Variants in ROR1 observed in about 807,000 individuals in gnomAD.
The protein encoded by ROR1 is inactive tyrosine-protein kinase transmembrane receptor ROR1.
Under a neutral mutation model 78.8 loss-of-function variants are expected in ROR1, and 19 were observed. The observed-to-expected ratio is 0.24, with a 90% CI of 0.17 to 0.35. ROR1 has a LOEUF of 0.35. Among genes scored for constraint, ROR1 ranks in the 10% least tolerant of loss-of-function variants. ROR1 has a pLI of 1.00. For synonymous variants in ROR1, 386 were observed against 433.6 expected (o/e 0.89, Z 1.36); for missense variants, 917 against 1,177.8 (o/e 0.78, Z 3.24).
At chr1:64,017,826 C>T (rs150638943) in intron 2 of ROR1, among the ~76,000 whole-genome samples, 6 of 152,260 alleles carry the variant, frequency 3.9e-5, no homozygotes, top group Non-Finnish European at 7.4e-5. Flanking sequence ...TGTTTGTGCT[C>T]CTGTTTTTAC....
chr1:63,966,288 T>C (rs949249788), intron 1 of ROR1, among the ~76,000 whole-genome samples: 5 of 152,102 alleles, frequency 3.3e-5, no homozygotes, highest in Admixed American at 2.6e-4. Flanking sequence ...CTTCCTGGAG[T>C]GTTGGCTGTG....
Position 63,822,533 on chromosome 1 carries a change from T to C in ROR1, c.91+48025T>C, listed in dbSNP as rs74573970. On this transcript the variant is annotated intron_variant, in intron 1 of 8. Transcript: ENST00000371079. ...AGAAAAATAATTGAGACAATAATTATTTTAATTTAAGCTTATATCATTAGA... is the reference window on the plus strand; with the variant it reads ...AGAAAAATAATTGAGACAATAATTACTTTAATTTAAGCTTATATCATTAGA... Among the ~76,000 whole-genome samples the C allele has an allele frequency of 3.0e-4, 45 of 152,320 alleles. No individual in the cohort carries two copies. The East Asian group carries it at 7.9e-3, about 27-fold the overall frequency.
intron 1 of ROR1, among the ~76,000 whole-genome samples, chr1:63,793,941 A>G (rs1005764395): frequency 3.9e-5 from 6 of 152,324 alleles, no homozygotes; most frequent in African/African-American, 1.4e-4. Context: ...CAGAGACCCC[A>G]GGGAAAGACT....
At chr1:63,970,454 C>T (rs1319248358) in intron 1 of ROR1, among the ~76,000 whole-genome samples, 1 of 152,174 alleles carries the variant, frequency 6.6e-6, no homozygotes, top group African/African-American at 2.4e-5. Flanking sequence ...TAATAACACA[C>T]CAATTGTTTT....
chr1:64,054,584 C>T (rs572529198), intron 4 of ROR1, among the ~76,000 whole-genome samples: 10 of 152,194 alleles, frequency 6.6e-5, no homozygotes, highest in Non-Finnish European at 1.5e-4. Flanking sequence ...CATGTTCAAA[C>T]ACAGAAATGG....
At chr1:63,958,939 C>T (rs1646005489) in intron 1 of ROR1, among the ~76,000 whole-genome samples, 1 of 152,120 alleles carries the variant, frequency 6.6e-6, no homozygotes, top group Admixed American at 6.5e-5. Context: ...AGGCACAGTG[C>T]CATCCTGAAT....
chr1:64,120,063 G>A (rs1569804043), intron 4 of ROR1, among the ~76,000 whole-genome samples: 2 of 152,176 alleles, frequency 1.3e-5, no homozygotes. Context: ...AAAACCTTTT[G>A]GTGGTTCTCG....
chr1:64,050,067 G>T, intron 3 of ROR1, 89 bp downstream of exon 3: 1 of 1,406,572 alleles, frequency 7.1e-7, no homozygotes. Flanking sequence ...AGGAAGGAAT[G>T]CACACTTAGT....
At chr1:63,851,885 A>G (rs1192589102) in intron 1 of ROR1, among the ~76,000 whole-genome samples, 2 of 152,350 alleles carry the variant, frequency 1.3e-5, no homozygotes, top group African/African-American at 2.4e-5. Context: ...GCTGCTGGAA[A>G]GATCCAGGGA....
chr1:64,093,043 C>T (rs1647215720), intron 4 of ROR1, among the ~76,000 whole-genome samples: 1 of 152,156 alleles, frequency 6.6e-6, no homozygotes, highest in Non-Finnish European at 1.5e-5. Context: ...CTTGAGCTGT[C>T]CTCTGTTGAA....
chr1:63,838,592 A>T (rs899786261), intron 1 of ROR1, among the ~76,000 whole-genome samples: 1 of 152,198 alleles, frequency 6.6e-6, no homozygotes, highest in Non-Finnish European at 1.5e-5. Flanking sequence ...ATTATTACAA[A>T]AGAGTCCAGA....
intron 4 of ROR1, among the ~76,000 whole-genome samples, chr1:64,057,376 T>C (rs1646883570): frequency 6.6e-6 from 1 of 152,230 alleles, no homozygotes. Context: ...GTAGTAAGTT[T>C]TGAAATCAGG....
chr1:64,090,607 G>T (rs987640520), intron 4 of ROR1, among the ~76,000 whole-genome samples: 73 of 152,122 alleles, frequency 4.8e-4, no homozygotes, highest in African/African-American at 1.4e-3. Context: ...CCGACCCCAC[G>T]TGGCCATTGT....
At chr1:63,941,550 C>T (rs555840575) in intron 1 of ROR1, among the ~76,000 whole-genome samples, 1 of 152,250 alleles carries the variant, frequency 6.6e-6, no homozygotes, top group Non-Finnish European at 1.5e-5. Flanking sequence ...GGACAAGTCA[C>T]TGAGCCTTTC....
chr1:64,135,965 C>T (rs1569834712), intron 4 of ROR1, among the ~76,000 whole-genome samples: 2 of 152,270 alleles, frequency 1.3e-5, no homozygotes, highest in Admixed American at 1.3e-4. Flanking sequence ...TATACTTTGA[C>T]TTTCTAGACT....
At chr1:63,793,863 T>A (rs1007792577) in intron 1 of ROR1, among the ~76,000 whole-genome samples, 2 of 152,178 alleles carry the variant, frequency 1.3e-5, no homozygotes, top group Admixed American at 1.3e-4. Flanking sequence ...TCCATCTTGG[T>A]TGTGCTGCCC....
At chr1:63,826,543 G>T (rs1034688074) in intron 1 of ROR1, among the ~76,000 whole-genome samples, 7 of 152,014 alleles carry the variant, frequency 4.6e-5, no homozygotes, top group Non-Finnish European at 7.4e-5. Flanking sequence ...GGATAGTGTT[G>T]CAATGAATAT....
chr1:63,778,655 C>T (rs1049841813), intron 1 of ROR1, among the ~76,000 whole-genome samples: 1 of 152,234 alleles, frequency 6.6e-6, no homozygotes, highest in African/African-American at 2.4e-5. Context: ...AAACACTTAT[C>T]TAATCCTTAC....
chr1:64,000,581 A>G (rs1306379507), intron 1 of ROR1, among the ~76,000 whole-genome samples: 2 of 152,158 alleles, frequency 1.3e-5, no homozygotes, highest in African/African-American at 2.4e-5. Flanking sequence ...ACTAGTTGGG[A>G]TGTTTCTTTC....
Sources: gnomAD v4.1 joint callset for allele counts (sites outside exome capture counted in the v4.1 genomes callset) on GRCh38, gnomAD v4.1.1 for gene constraint, MANE v1.5 for transcripts, NCBI Gene and HGNC (gene_info 2026-07-23, HGNC 2026-07-21) for gene names.